The following SLC5A11 variants were observed in gnomAD, a reference collection of about 807,000 sequenced individuals.
SLC5A11 encodes the protein sodium/myo-inositol cotransporter 2.
Under a neutral mutation model 69.8 loss-of-function variants are expected in SLC5A11, and 48 were observed. That is an observed-to-expected ratio of 0.69 (90% CI 0.55 to 0.87). The LOEUF (loss-of-function observed/expected upper bound fraction) is 0.87, where lower values mean the gene tolerates loss of function less well. Ranked by LOEUF, SLC5A11 falls within the 40% of genes least tolerant of loss-of-function variation. The probability of loss-of-function intolerance (pLI) is 0.00; values close to 1 mark genes in which losing one functional copy is unlikely to be tolerated. For synonymous variants in SLC5A11, 319 were observed against 342.4 expected (o/e 0.93, Z 0.75); for missense variants, 784 against 866.1 (o/e 0.91, Z 1.19).
chr16:24,852,712 G>A (rs886699156), intron 1 of SLC5A11, among the ~76,000 whole-genome samples: 12 of 152,298 alleles, frequency 7.9e-5, no homozygotes, highest in African/African-American at 2.2e-4. Flanking sequence ...CCCAGAGGAC[G>A]GGGCCAAGTC....
At chr16:24,891,323 T>C (rs2048791166) in intron 9 of SLC5A11, among the ~76,000 whole-genome samples, 1 of 149,568 alleles carries the variant, frequency 6.7e-6, no homozygotes, top group African/African-American at 2.5e-5. Context: ...TTTTTTTTTT[T>C]TTTTTTTCTG....
chr16:24,884,046 A>C lies in SLC5A11; in HGVS notation c.584-5A>C, dbSNP rs1426843320. 1 of 1,576,160 alleles carries C rather than the reference A, an allele frequency of 6.3e-7. No individual in the cohort carries two copies. ...TGACCCTCACCTCCGTGCTCATCCC[A>C]CCAGGTGGCCTGGCTGCTGTGATCT... On this transcript the variant is annotated splice_region_variant and splice_polypyrimidine_tract_variant and intron_variant, in intron 7 of 15. Transcript: ENST00000347898.
intron 14 of SLC5A11, among the ~76,000 whole-genome samples, chr16:24,909,643 CAAAAAA>C (rs35334841): frequency 4.6e-3 from 226 of 48,914 alleles, no homozygotes; most frequent in African/African-American, 7.5e-3. Flanking sequence ...CCCTGTCTCA[CAAAAAA>C]AAAAAAAAAA....
exon 16 of SLC5A11, chr16:24,911,410 C>T (rs1431907590): frequency 3.1e-6 from 5 of 1,614,044 alleles, no homozygotes; most frequent in Non-Finnish European, 4.2e-6. Flanking sequence ...AGGAAGAGCT[C>T]CCGGCCAGAG....
At chr16:24,864,192 C>T (rs2046775136) in intron 3 of SLC5A11, among the ~76,000 whole-genome samples, 1 of 152,136 alleles carries the variant, frequency 6.6e-6, no homozygotes, top group Non-Finnish European at 1.5e-5. Flanking sequence ...GGCCCACACA[C>T]ATGCTTAGAA....
chr16:24,870,389 G>C lies in SLC5A11; in HGVS notation c.312+384G>C, dbSNP rs893641996. 9.4e-5 allele frequency among the ~76,000 whole-genome samples: 14 copies of C among 148,658 alleles called. No homozygotes were observed. The East Asian group carries it at 2.8e-3, about 29-fold the overall frequency. On this transcript the variant is annotated intron_variant, in intron 4 of 15. Coordinates refer to ENST00000347898, the Ensembl canonical transcript of SLC5A11. ...GCCTGGGTGACAAGAGTGAAACTCC[G>C]TCCCCCTCCCCACAAAAAAACAAAA...
intron 1 of SLC5A11, among the ~76,000 whole-genome samples, chr16:24,853,515 C>G (rs1322249912): frequency 6.6e-6 from 1 of 152,052 alleles, no homozygotes. Flanking sequence ...TGGCATGGAG[C>G]CTGGCACACA....
chr16:24,875,699 T>G (rs1268214441), exon 6 of SLC5A11: 1 of 1,613,852 alleles, frequency 6.2e-7, no homozygotes, highest in African/African-American at 1.3e-5. Flanking sequence ...GGCTGTACTC[T>G]ACCTATTTAT....
chr16:24,878,989 C>T (rs1460366197), intron 7 of SLC5A11, among the ~76,000 whole-genome samples: 1 of 152,062 alleles, frequency 6.6e-6, no homozygotes, highest in Non-Finnish European at 1.5e-5. Context: ...GAGCCAAGAT[C>T]ACACCACTGC....
intron 8 of SLC5A11, among the ~76,000 whole-genome samples, chr16:24,885,206 A>G (rs1456359900): frequency 1.3e-5 from 2 of 152,118 alleles, no homozygotes; most frequent in African/African-American, 4.8e-5. Flanking sequence ...ATCTCAGGCC[A>G]GTTGGTTGCT....
At chr16:24,909,643 CAAAAAAAAAAAA>C (rs35334841) in intron 14 of SLC5A11, among the ~76,000 whole-genome samples, 2 of 48,906 alleles carry the variant, frequency 4.1e-5, no homozygotes, top group African/African-American at 1.7e-4. Context: ...CCCTGTCTCA[CAAAAAAAAAAAA>C]AAAAAAAAAA....
intron 1 of SLC5A11, among the ~76,000 whole-genome samples, chr16:24,847,177 T>C (rs1239982386): frequency 6.6e-6 from 1 of 151,904 alleles, no homozygotes; most frequent in African/African-American, 2.4e-5. Context: ...TCTTTGTTCT[T>C]TCTTTCTTTC....
At chr16:24,868,785 C>G (rs2047084000) in intron 3 of SLC5A11, among the ~76,000 whole-genome samples, 1 of 151,812 alleles carries the variant, frequency 6.6e-6, no homozygotes, top group Admixed American at 6.6e-5. Context: ...CTCCTCTCTT[C>G]TCTTCCTTCA....
chr16:24,907,959 C>G lies in SLC5A11; in HGVS notation c.1266-4C>G, dbSNP rs760947579. The G allele has an allele frequency of 5.0e-6, 8 of 1,614,014 alleles. No individual in the cohort carries two copies. Among genetic ancestry groups the G allele is most frequent in the Non-Finnish European group, 6.8e-6 (8 of 1,179,930 alleles). On this transcript the variant is annotated splice_region_variant and splice_polypyrimidine_tract_variant and intron_variant, in intron 12 of 15. Coordinates refer to ENST00000347898, the Ensembl canonical transcript of SLC5A11. ...TAATTTGTGCCTCTCGCCGCCGGCA[C>G]CAGGGTGTTTGTGCTGCTGCTGGTC...
At chr16:24,884,002 C>A in intron 7 of SLC5A11, 49 bp from the exon 9 acceptor site, 1 of 1,567,134 alleles carries the variant, frequency 6.4e-7, no homozygotes, top group East Asian at 2.3e-5. Context: ...CCAGAGTAAC[C>A]CCTTCTCGTT....
chr16:24,891,185 C>T (rs1388438643), intron 9 of SLC5A11, 111 bp downstream of exon 10: 1 of 1,040,062 alleles, frequency 9.6e-7, no homozygotes, highest in African/African-American at 1.6e-5. Flanking sequence ...TGCGTTTTCC[C>T]TGCTTCCTTG....
At position 24,883,412 on chromosome 16, in the gene SLC5A11, T is replaced by A. The variant is rs144722899; in HGVS notation, c.584-639T>A. Among the ~76,000 whole-genome samples, 3 of 152,180 alleles carry A rather than the reference T, an allele frequency of 2.0e-5. No individual in the cohort carries two copies. The East Asian group carries it at 5.8e-4, about 29-fold the overall frequency. ...ATAAATAACTAAAGGTGTTCAGAGC[T>A]TGGGGACTGTGGCCTAAGCACCACT... On this transcript the variant is annotated intron_variant, in intron 7 of 15. Transcript: ENST00000347898.
At chr16:24,896,484 G>A (rs1219642980) in intron 9 of SLC5A11, among the ~76,000 whole-genome samples, 1 of 151,800 alleles carries the variant, frequency 6.6e-6, no homozygotes, top group Non-Finnish European at 1.5e-5. Flanking sequence ...AACAGAGTGA[G>A]ACCCCATCTC....
At chr16:24,858,111 CT>C (rs1195793639) in intron 1 of SLC5A11, among the ~76,000 whole-genome samples, 1 of 152,162 alleles carries the variant, frequency 6.6e-6, no homozygotes, top group Non-Finnish European at 1.5e-5. Flanking sequence ...TTAGTAAACA[CT>C]TAGAATGATG....
Sources: gnomAD v4.1 joint callset for allele counts (sites outside exome capture counted in the v4.1 genomes callset) on GRCh38, gnomAD v4.1.1 for gene constraint, MANE v1.5 for transcripts, NCBI Gene and HGNC (gene_info 2026-07-23, HGNC 2026-07-21) for gene names.